The following NSDHL variants were observed in gnomAD, a reference collection of about 807,000 sequenced individuals.
NSDHL encodes the protein NAD(P) dependent 3-beta-hydroxysteroid dehydrogenase NSDHL, also known as sterol-4-alpha-carboxylate 3-dehydrogenase, decarboxylating.
Under a neutral mutation model 23.0 loss-of-function variants are expected in NSDHL, and 1 was observed. That is an observed-to-expected ratio of 0.04 (90% CI 0.02 to 0.21). NSDHL has a LOEUF of 0.21. NSDHL is among the 10% of genes least tolerant of loss of function. The probability of loss-of-function intolerance (pLI) is 1.00; values close to 1 mark genes in which losing one functional copy is unlikely to be tolerated. For missense variants in NSDHL, 237 were observed against 300.9 expected, an observed-to-expected ratio of 0.79 and a Z score of 1.57; for synonymous variants, 128 against 121.1, an observed-to-expected ratio of 1.06 and a Z score of -0.37.
chrX:152,866,725 A>T (rs1285190298), intron 6 of NSDHL, among the ~76,000 whole-genome samples: 1 of 112,460 alleles, frequency 8.9e-6, no homozygotes, highest in Non-Finnish European at 1.9e-5. Flanking sequence ...TTATAAGGAC[A>T]TCATTCCCTG....
intron 1 of NSDHL, among the ~76,000 whole-genome samples, chrX:152,833,508 C>T (rs1233407956): frequency 9.0e-6 from 1 of 111,280 alleles, no homozygotes; most frequent in Non-Finnish European, 1.9e-5. Flanking sequence ...TGGCACACAG[C>T]CCCCACATGT....
At chrX:152,843,673 A>G (rs1933227949) in intron 1 of NSDHL, among the ~76,000 whole-genome samples, 2 of 112,021 alleles carry the variant, frequency 1.8e-5, no homozygotes, top group African/African-American at 3.2e-5. Flanking sequence ...TTCTTTTCCT[A>G]CTTTTCATGC....
Position 152,846,370 on chromosome X carries a change from A to G in NSDHL, c.46A>G (p.Thr16Ala). Reference protein sequence around the residue: ...SEPMRDQVARTHLTEDTPKVN... With the variant: ...SEPMRDQVARAHLTEDTPKVN... ...GCCAATGAGAGACCAAGTCGCACGGACTCATTTGACAGAGGACACTCCCAA... is the reference window on the plus strand; with the variant it reads ...GCCAATGAGAGACCAAGTCGCACGGGCTCATTTGACAGAGGACACTCCCAA... The change falls in exon 2 of 8, where the codon ACT becomes GCT. Residue 16 changes from threonine to alanine, a missense_variant. By Grantham distance (58) the Thr-to-Ala change is moderately conservative (BLOSUM62 0). Coordinates refer to ENST00000370274, the MANE Select transcript of NSDHL (RefSeq NM_015922.3). 4.1e-6 allele frequency: 5 copies of G among 1,211,223 alleles called. No homozygotes were observed. Among genetic ancestry groups the G allele is most frequent in the Non-Finnish European group, 3.4e-6 (3 of 894,751 alleles).
chrX:152,833,059 T>G (rs1319233754), intron 1 of NSDHL, among the ~76,000 whole-genome samples: 3 of 111,366 alleles, frequency 2.7e-5, no homozygotes, highest in African/African-American at 9.9e-5. Flanking sequence ...TTTCACTCAG[T>G]GAATAGTAAA....
In NSDHL at chrX:152,835,293, CTCTT is replaced by C. The variant is rs781787400; in HGVS notation, c.-44+4178_-44+4181del. On this transcript the variant is annotated intron_variant, in intron 1 of 7. Transcript: ENST00000370274. ...GGCCAGTGGCTACAAGGTCACATCT[CTCTT>C]TTTTTTTTTTTAATTATTATTATAC... 4.3e-4 allele frequency among the ~76,000 whole-genome samples: 45 copies of C among 105,211 alleles called. No homozygotes were observed. In the East Asian group the frequency reaches 0.011, roughly 27 times the overall value. 91.4% of individuals were successfully genotyped at this position (105,211 alleles called of 115,157 possible). A position where few individuals can be genotyped will look rare whatever the true frequency, so the allele number is the denominator to read the frequency against.
At chrX:152,836,792 T>C (rs1933103981) in intron 1 of NSDHL, among the ~76,000 whole-genome samples, 1 of 112,286 alleles carries the variant, frequency 8.9e-6, no homozygotes. Flanking sequence ...GTGGGCTCTT[T>C]TTTGGTTCCA....
intron 1 of NSDHL, among the ~76,000 whole-genome samples, chrX:152,835,097 T>C (rs1416127058): frequency 9.0e-6 from 1 of 111,632 alleles, no homozygotes; most frequent in Non-Finnish European, 1.9e-5. Flanking sequence ...AAGGAGGAGG[T>C]TGGGCTAACT....
chrX:152,845,442 A>C (rs1933256727), intron 1 of NSDHL, among the ~76,000 whole-genome samples: 1 of 111,941 alleles, frequency 8.9e-6, no homozygotes, highest in Non-Finnish European at 1.9e-5. Flanking sequence ...AACTACCAAG[A>C]AAACATGGAT....
intron 1 of NSDHL, among the ~76,000 whole-genome samples, chrX:152,844,126 T>C (rs1286940682): frequency 1.8e-5 from 2 of 112,208 alleles, no homozygotes; most frequent in African/African-American, 6.5e-5. Context: ...GTTACAATGA[T>C]AATAAAATTA....
intron 2 of NSDHL, among the ~76,000 whole-genome samples, chrX:152,849,225 T>C (rs1933319857): frequency 8.9e-6 from 1 of 112,075 alleles, no homozygotes; most frequent in Admixed American, 9.4e-5. Context: ...GTAGGGAGAT[T>C]TGTTTGTTTT....
intron 1 of NSDHL, among the ~76,000 whole-genome samples, chrX:152,832,707 C>G (rs782070563): frequency 8.9e-6 from 1 of 112,035 alleles, no homozygotes; most frequent in Non-Finnish European, 1.9e-5. Flanking sequence ...ACAAGTTCTG[C>G]GCAGGCTGTG....
chrX:152,863,651 C>G (rs1221857681), intron 5 of NSDHL, among the ~76,000 whole-genome samples: 1 of 112,939 alleles, frequency 8.9e-6, no homozygotes, highest in South Asian at 3.6e-4. Context: ...CTTCAGGCTG[C>G]TGGGGCTGTG....
At chrX:152,863,394 C>T (rs782637279) in intron 5 of NSDHL, among the ~76,000 whole-genome samples, 2 of 111,491 alleles carry the variant, frequency 1.8e-5, no homozygotes, top group South Asian at 7.5e-4. Context: ...TTACAGCCCA[C>T]CCTCAATGCC....
rs782660544 is a variant in NSDHL, at chrX:152,862,586, C to T, written c.415-10C>T. 6 of 1,205,190 alleles carry T rather than the reference C, an allele frequency of 5.0e-6. No individual in the cohort carries two copies. In the South Asian group the frequency reaches 8.8e-5, roughly 18 times the overall value. ...TGTGACTTTTATTTTTTCTGACCTT[C>T]CTCTGTCAGAAACTCATTTTAACCA... On this transcript the variant is annotated splice_polypyrimidine_tract_variant and intron_variant, in intron 4 of 7. Transcript: ENST00000370274.
intron 3 of NSDHL, among the ~76,000 whole-genome samples, chrX:152,853,128 C>CGTTTGTGT (rs1933383365): frequency 2.1e-5 from 2 of 97,138 alleles, no homozygotes; most frequent in Non-Finnish European, 2.0e-5. Flanking sequence ...CTCTCAGGCA[C>CGTTTGTGT]GTGTGTGTGT....
rs148905288 is a variant in NSDHL, at chrX:152,852,515, C to T, written c.267+2092C>T. On this transcript the variant is annotated intron_variant, in intron 3 of 7. Transcript: ENST00000370274. ...CAACCACAGCTACAAAATACCTCTA[C>T]AGCAACACCTACACTGTTTAATGGA... 8.1e-5 allele frequency among the ~76,000 whole-genome samples: 3 copies of T among 37,249 alleles called. No homozygotes were observed. The East Asian group carries it at 3.7e-3, about 47-fold the overall frequency. The allele number at this position is 37,249 out of a possible 115,157, so 32.3% of individuals were successfully genotyped here. A position where few individuals can be genotyped will look rare whatever the true frequency, so the allele number is the denominator to read the frequency against.
intron 3 of NSDHL, among the ~76,000 whole-genome samples, chrX:152,858,171 G>GGTA (rs1933472182): frequency 9.0e-6 from 1 of 111,543 alleles, no homozygotes. Context: ...ACGTGACCCC[G>GGTA]GTAGTCTTAG....
intron 1 of NSDHL, among the ~76,000 whole-genome samples, chrX:152,844,999 G>A (rs1933248984): frequency 8.9e-6 from 1 of 111,986 alleles, no homozygotes; most frequent in South Asian, 3.7e-4. Flanking sequence ...ATAAAGGGAG[G>A]GACAGGGCAG....
At chrX:152,847,869 T>C (rs1460567995) in intron 2 of NSDHL, among the ~76,000 whole-genome samples, 1 of 105,645 alleles carries the variant, frequency 9.5e-6, no homozygotes, top group Non-Finnish European at 2.0e-5. Context: ...TTTTTTTTCT[T>C]TTTTTTTTTT....
Sources: gnomAD v4.1 joint callset for allele counts (sites outside exome capture counted in the v4.1 genomes callset) on GRCh38, gnomAD v4.1.1 for gene constraint, MANE v1.5 for transcripts, NCBI Gene and HGNC (gene_info 2026-07-23, HGNC 2026-07-21) for gene names.